SYTL2: variants seen among roughly 807,000 people sequenced by gnomAD.
SYTL2 encodes the protein synaptotagmin like 2.
In SYTL2, 165 loss-of-function variants were observed where a neutral mutation model predicts 198.7. The ratio of observed to expected loss-of-function variants is 0.83; its 90% CI spans 0.73 to 0.94. The LOEUF (loss-of-function observed/expected upper bound fraction) is 0.94. Ranked by LOEUF, SYTL2 falls within the 40% of genes least tolerant of loss-of-function variation. The pLI, the probability that SYTL2 is intolerant of heterozygous loss-of-function variation, is 0.00. For synonymous variants in SYTL2, 966 were observed against 917.7 expected, an observed-to-expected ratio of 1.05 and a Z score of -0.95; for missense variants, 2,835 against 2,582.8, an observed-to-expected ratio of 1.10 and a Z score of -2.12.
chr11:85,724,409 A>T lies in SYTL2; in HGVS notation c.4949T>A (p.Val1650Glu). Residue 1650 changes from valine (V) to glutamate (E), a missense_variant, in exon 8 of 20, where the codon GTA (valine) becomes GAA (glutamate). This residue lies in a region of SYTL2 where 2,645 missense variants were observed against 2,381.7 expected (regional missense o/e 1.11). Transcript: ENST00000359152. ...GGDALVTDLL[V>E]DFCGSRSGVE... is the part of the protein sequence containing the mutation. ...TCCACTTCTGGAACCACAAAAATCTACCAATAAATCAGTCACAAGTGCGTC... is the reference window on the plus strand; with the variant it reads ...TCCACTTCTGGAACCACAAAAATCTTCCAATAAATCAGTCACAAGTGCGTC... 1 of 1,600,666 alleles carries T rather than the reference A, an allele frequency of 6.2e-7. No individual in the cohort carries two copies. The highest frequency in any genetic ancestry group is 8.5e-7 in the Non-Finnish European group (1 of 1,174,724).
intron 12 of SYTL2, 123 bp downstream of exon 12, chr11:85,714,290 G>C: frequency 1.4e-6 from 1 of 733,052 alleles, no homozygotes; most frequent in Non-Finnish European, 2.3e-6. Flanking sequence ...GACTTGAAAG[G>C]CAAGGGCCAG....
In SYTL2 at chr11:85,726,351, T is replaced by G. The variant is rs766643135; in HGVS notation, c.3007A>C (p.Asn1003His). ...ANSNSKDNDK[N>H]ITTTSQKNSA... ...TTTTTTTGGCTTGTGGTGGTAATAT[T>G]CTTGTCATTATCCTTACTGTTTGAA... The change falls in exon 8 of 20, where the codon AAT (asparagine) becomes CAT (histidine). Residue 1003 changes from asparagine to histidine, a missense_variant. This residue lies in a region of SYTL2 where 2,645 missense variants were observed against 2,381.7 expected (regional missense o/e 1.11). Coordinates refer to ENST00000359152, the MANE Select transcript of SYTL2 (RefSeq NM_206927.4). The G allele has an allele frequency of 1.2e-6, 2 of 1,614,110 alleles. No individual in the cohort carries two copies. Among genetic ancestry groups the G allele is most frequent in the Non-Finnish European group, 1.7e-6 (2 of 1,180,000 alleles).
chr11:85,729,982 A>G (rs1406897576), intron 7 of SYTL2, among the ~76,000 whole-genome samples: 4 of 152,340 alleles, frequency 2.6e-5, no homozygotes, highest in Non-Finnish European at 5.9e-5. Flanking sequence ...CAAACAAACT[A>G]GAAAATCTAG....
intron 16 of SYTL2, among the ~76,000 whole-genome samples, chr11:85,702,037 G>C (rs920679610): frequency 7.2e-5 from 11 of 152,172 alleles, no homozygotes; most frequent in African/African-American, 2.7e-4. Context: ...GGAGCCCACG[G>C]CCTGTCAAGA....
chr11:85,846,159 C>G, the SYTL2 span, among the ~76,000 whole-genome samples: 1 of 152,186 alleles, frequency 6.6e-6, no homozygotes, highest in Non-Finnish European at 1.5e-5. Flanking sequence ...AGTACCTATA[C>G]TCAGCCTCTC....
chr11:85,797,951 T>C (rs1281676278), intron 1 of SYTL2, among the ~76,000 whole-genome samples: 2 of 151,856 alleles, frequency 1.3e-5, no homozygotes, highest in Non-Finnish European at 2.9e-5. Flanking sequence ...CCTCCCAGGT[T>C]CAAGAGATTC....
intron 7 of SYTL2, chr11:85,733,594 G>GTTTTTTTTTTT (rs11383912): frequency 9.4e-6 from 1 of 106,260 alleles, no homozygotes; most frequent in Non-Finnish European, 1.8e-5. Context: ...TTTTTTTTTT[G>GTTTTTTTTTTT]TTTTTTTTTT....
chr11:85,852,381 GTCTCCC>G, the SYTL2 span, among the ~76,000 whole-genome samples: 1,495 of 151,930 alleles, frequency 9.8e-3, 13 homozygotes, highest in African/African-American at 0.033. Context: ...TCTCCCCACG[GTCTCCC>G]TCTCCCTCTC....
In SYTL2 at chr11:85,727,914, A is replaced by G. The variant is rs774731233; in HGVS notation, c.1444T>C (p.Ser482Pro). The G allele has an allele frequency of 6.2e-7, 1 of 1,613,566 alleles. No homozygotes were observed. Among genetic ancestry groups the G allele is most frequent in the Non-Finnish European group, 8.5e-7 (1 of 1,179,868 alleles). The change falls in exon 8 of 20, where the codon TCT becomes CCT. Residue 482 changes from serine (S) to proline (P), a missense_variant. Around this residue, in one of 3 missense-constraint regions of SYTL2, gnomAD observed 2,645 missense variants for 2,381.7 expected, o/e 1.11. Coordinates refer to ENST00000359152, the MANE Select transcript of SYTL2 (RefSeq NM_206927.4). ...PEPSQVPGGS[S>P]RDRQQGKPPP... is the part of the protein sequence containing the mutation. The stretch of plus-strand genomic sequence containing the variant: ...GGCTTACCTTGCTGACGGTCTCTAG[A>G]ACTGCCACCTGGCACCTGAGATGGC...
Position 85,724,150 on chromosome 11 carries a change from C to T in SYTL2, c.5208G>A (p.Leu1736=), listed in dbSNP as rs1160181381. The T allele has an allele frequency of 5.6e-6, 9 of 1,603,490 alleles. No individual in the cohort carries two copies. The highest frequency in any genetic ancestry group is 7.6e-6 in the Non-Finnish European group (9 of 1,177,540). ...GTTTCATATATGGCGATGCTAGAGTCAATTCAACTTTACTTGTTTTTGTAG... is the reference window on the plus strand; with the variant it reads ...GTTTCATATATGGCGATGCTAGAGTTAATTCAACTTTACTTGTTTTTGTAG... ...ENSTKTSKVE[L]TLASPYMKQE... Residue 1736 remains leucine (L), a synonymous_variant, in exon 8 of 20, where the codon TTG becomes TTA. Transcript: ENST00000359152.
chr11:85,718,578 T>A lies in SYTL2; in HGVS notation c.5482+212A>T. On this transcript the variant is annotated intron_variant, in intron 10 of 19. Transcript: ENST00000359152. ...TGCTTCACAAGGGTCTCTGATGAGA[T>A]CCTCATGACAGTATCACCAGAAGAA... The A allele has an allele frequency of 7.1e-6, 4 of 566,244 alleles. No homozygotes were observed. The East Asian group carries it at 1.2e-4, about 16-fold the overall frequency. 35.1% of individuals were successfully genotyped at this position (566,244 alleles called of 1,614,324 possible).
At chr11:85,797,456 C>T (rs1420267773) in intron 1 of SYTL2, among the ~76,000 whole-genome samples, 2 of 151,654 alleles carry the variant, frequency 1.3e-5, no homozygotes, top group African/African-American at 4.8e-5. Flanking sequence ...GGTGAAACCC[C>T]GTCTCTACTG....
intron 1 of SYTL2, among the ~76,000 whole-genome samples, chr11:85,789,376 A>ATG (rs1468779059): frequency 2.3e-5 from 1 of 43,466 alleles, no homozygotes; most frequent in Non-Finnish European, 4.1e-5. Flanking sequence ...ATATATATAT[A>ATG]TGTATATATA....
chr11:85,728,148 G>C, intron 7 of SYTL2, 181 bp from the exon 8 acceptor site: 1 of 570,824 alleles, frequency 1.8e-6, no homozygotes, highest in Non-Finnish European at 3.0e-6. Flanking sequence ...TTCTACCAAA[G>C]GTGCCCTATG....
At chr11:85,799,355 C>T (rs1157357571) in intron 1 of SYTL2, among the ~76,000 whole-genome samples, 1 of 152,064 alleles carries the variant, frequency 6.6e-6, no homozygotes, top group Non-Finnish European at 1.5e-5. Context: ...AGGTATAAGC[C>T]GAACACTAAA....
chr11:85,700,224 A>G (rs1315096275), intron 17 of SYTL2, among the ~76,000 whole-genome samples: 2 of 152,192 alleles, frequency 1.3e-5, no homozygotes, highest in Admixed American at 6.5e-5. Flanking sequence ...TTGCAAGATG[A>G]AAAGGTTCTG....
chr11:85,833,102 G>A, the SYTL2 span, among the ~76,000 whole-genome samples: 302 of 28,156 alleles, frequency 0.011, 6 homozygotes, highest in Middle Eastern at 0.038. Context: ...AAAGAAAGAA[G>A]GAAGGAAGGA....
At chr11:85,781,801 A>G (rs1038870904) in intron 1 of SYTL2, among the ~76,000 whole-genome samples, 9 of 152,204 alleles carry the variant, frequency 5.9e-5, no homozygotes, top group Non-Finnish European at 1.0e-4. Context: ...TATCTAGGTC[A>G]TGCTGATGCA....
chr11:85,707,956 CAAAAAAAAA>C, intron 14 of SYTL2: 2 of 84,864 alleles, frequency 2.4e-5, no homozygotes, highest in South Asian at 3.8e-4. Flanking sequence ...AGGCTGGTCT[CAAAAAAAAA>C]AAAAAAAAAA....
Sources: gnomAD v4.1 joint callset for allele counts (sites outside exome capture counted in the v4.1 genomes callset) on GRCh38, gnomAD v4.1.1 for gene constraint, gnomAD v4.1.1 regional missense constraint, MANE v1.5 for transcripts, NCBI Gene and HGNC (gene_info 2026-07-23, HGNC 2026-07-21) for gene names.